The following USP39 variants were observed in gnomAD, a reference collection of about 807,000 sequenced individuals.
The protein encoded by USP39 is ubiquitin specific peptidase 39.
A neutral mutation model predicts 66.4 loss-of-function variants in USP39; 38 were observed. That is an observed-to-expected ratio of 0.57 (90% confidence interval 0.44 to 0.75). USP39 has a LOEUF of 0.75. Among genes scored for constraint, USP39 ranks in the 30% least tolerant of loss-of-function variants. The pLI is 0.00. For missense variants in USP39, 608 were observed against 714.4 expected, an observed-to-expected ratio of 0.85 and a Z score of 1.70; for synonymous variants, 303 against 274.6, an observed-to-expected ratio of 1.10 and a Z score of -1.02.
rs1264658660 is a variant in USP39 at position 85,641,056 on chromosome 2, G to A, written c.1365G>A (p.Lys455=). ...CTCCATATCTAATCTTTTGTATCAA[G>A]AGATTCACTAAGAACAACTTCTTTG... ...KLPPYLIFCI[K]RFTKNNFFVE... Residue 455 remains lysine, a synonymous_variant, in exon 10 of 13, where the codon AAG becomes AAA. Coordinates refer to ENST00000323701, the MANE Select transcript of USP39 (RefSeq NM_006590.4). The A allele has an allele frequency of 6.2e-7, 1 of 1,613,554 alleles. No individual in the cohort carries two copies. The highest frequency in any genetic ancestry group is 8.5e-7 in the Non-Finnish European group (1 of 1,179,720).
At chr2:85,611,792 G>A (rs763481293), upstream of USP39, 2 of 1,611,224 alleles carry the variant, frequency 1.2e-6, no homozygotes, top group Non-Finnish European at 1.7e-6. Flanking sequence ...CGTCCCTGCG[G>A]GGAGCCGAGC....
At chr2:85,643,128 A>G (rs1676369774) in intron 10 of USP39, among the ~76,000 whole-genome samples, 1 of 152,060 alleles carries the variant, frequency 6.6e-6, no homozygotes, top group Non-Finnish European at 1.5e-5. Context: ...CTAACACAAA[A>G]TGATTAAACG....
chr2:85,638,985 G>A (rs1676017383), intron 8 of USP39, among the ~76,000 whole-genome samples: 1 of 152,028 alleles, frequency 6.6e-6, no homozygotes, highest in South Asian at 2.1e-4. Flanking sequence ...GGGCTTTTTA[G>A]ATAGTCTGGT....
chr2:85,644,934 T>G lies in USP39; in HGVS notation c.1428-14T>G, dbSNP rs370123591. 4.3e-6 allele frequency: 7 copies of G among 1,613,878 alleles called. No homozygotes were observed. The highest frequency in any genetic ancestry group is 5.1e-6 in the Non-Finnish European group (6 of 1,179,864). On this transcript the variant is annotated splice_polypyrimidine_tract_variant and intron_variant, in intron 10 of 12. Transcript: ENST00000323701. ...TTTGTCTGATTATTCCGGCTTTATTTTAACCATTAACAGAAATGTGGATCT... is the reference window on the plus strand; with the variant it reads ...TTTGTCTGATTATTCCGGCTTTATTGTAACCATTAACAGAAATGTGGATCT...
chr2:85,620,985 G>A (rs948042927), intron 2 of USP39, among the ~76,000 whole-genome samples: 1 of 152,006 alleles, frequency 6.6e-6, no homozygotes, highest in Non-Finnish European at 1.5e-5. Flanking sequence ...TTTTTATTTT[G>A]TAATTAATTA....
intron 3 of USP39, 35 bp downstream of exon 3, chr2:85,621,614 T>G: frequency 2.0e-6 from 3 of 1,481,594 alleles, no homozygotes; most frequent in Non-Finnish European, 2.7e-6. Context: ...GCAGATCTGC[T>G]CCAGAGGGAC....
intron 11 of USP39, chr2:85,645,670 A>G (rs1676589862): frequency 6.6e-6 from 1 of 152,322 alleles, no homozygotes; most frequent in Non-Finnish European, 1.5e-5. Flanking sequence ...GGATGTTGGT[A>G]TATATTTTAC....
chr2:85,648,550 G>A (rs149664168), intron 12 of USP39, among the ~76,000 whole-genome samples: 1 of 152,198 alleles, frequency 6.6e-6, no homozygotes, highest in African/African-American at 2.4e-5. Context: ...AAAAGCCATA[G>A]CTTTGTAAGA....
At chr2:85,606,204 G>GT (rs1440068803) in intron 1 of USP39, among the ~76,000 whole-genome samples, 2 of 152,164 alleles carry the variant, frequency 1.3e-5, no homozygotes, top group Non-Finnish European at 1.5e-5. Context: ...CAATTACATC[G>GT]TATCTAGTCA....
upstream of USP39, chr2:85,611,436 C>T (rs907916855): frequency 1.3e-6 from 2 of 1,525,240 alleles, no homozygotes; most frequent in Non-Finnish European, 1.8e-6. Flanking sequence ...AGATAAACTT[C>T]TTGCTGGCTC....
intron 8 of USP39, among the ~76,000 whole-genome samples, chr2:85,638,685 C>T (rs1479574844): frequency 6.6e-6 from 1 of 151,882 alleles, no homozygotes; most frequent in Non-Finnish European, 1.5e-5. Flanking sequence ...ATTACAGGCG[C>T]CACCACCACG....
upstream of USP39, chr2:85,611,500 T>C (rs1673523679): frequency 6.4e-7 from 1 of 1,550,808 alleles, no homozygotes; most frequent in Non-Finnish European, 8.7e-7. Flanking sequence ...GTCCCAGTTC[T>C]TGGTGAGAAT....
upstream of USP39, chr2:85,616,020 G>A (rs913969454): frequency 4.8e-6 from 6 of 1,248,284 alleles, no homozygotes; most frequent in African/African-American, 6.2e-5. Context: ...GTTCTAAGGG[G>A]AGAGGAAGCC....
chr2:85,612,973 T>C (rs1436050183), upstream of USP39, among the ~76,000 whole-genome samples: 2 of 151,944 alleles, frequency 1.3e-5, no homozygotes, highest in East Asian at 3.9e-4. Flanking sequence ...TTTTTTTTTT[T>C]TTTCTATTTT....
Position 85,641,119 on chromosome 2 carries a change from G to A in USP39, c.1427+1G>A, listed in dbSNP as rs768524381. 4.3e-6 allele frequency: 7 copies of A among 1,612,098 alleles called. No homozygotes were observed. Among genetic ancestry groups the A allele is most frequent in the East Asian group, 4.5e-5 (2 of 44,844 alleles). ...CAACTATTGTCAATTTCCCTATTAC[G>A]TAAGTAACATCCTGCCTCACTTCTC... is the stretch of plus-strand genomic sequence containing the variant. On this transcript the variant is annotated splice_donor_variant, in intron 10 of 12. Coordinates refer to ENST00000323701, the MANE Select transcript of USP39 (RefSeq NM_006590.4). LOFTEE classifies it high-confidence loss of function.
At chr2:85,612,017 C>T (rs762845589), upstream of USP39, 2 of 1,438,400 alleles carry the variant, frequency 1.4e-6, no homozygotes, top group East Asian at 5.0e-5. Flanking sequence ...GCCGCCGCCT[C>T]GACGGCCCCA....
rs1673947958 is a variant in USP39, at chr2:85,616,381, C to T, written c.186C>T (p.Ala62=). Residue 62 remains alanine, a synonymous_variant, in exon 1 of 13, where the codon GCC becomes GCT. Transcript: ENST00000323701. Reference sequence around the variant, plus strand: ...TCGAGCCGGCGAGCGCGCGCGAGGCCCCGGCTTCTGTTGTCCCGTTTGTGC... The same window carrying T: ...TCGAGCCGGCGAGCGCGCGCGAGGCTCCGGCTTCTGTTGTCCCGTTTGTGC... ...REFEPASARE[A]PASVVPFVRV... 1 of 1,602,566 alleles carries T rather than the reference C, an allele frequency of 6.2e-7. No individual in the cohort carries two copies. The highest frequency in any genetic ancestry group is 8.5e-7 in the Non-Finnish European group (1 of 1,174,774).
intron 5 of USP39, among the ~76,000 whole-genome samples, chr2:85,626,151 G>A (rs1427789304): frequency 6.6e-6 from 1 of 151,842 alleles, no homozygotes; most frequent in Non-Finnish European, 1.5e-5. Flanking sequence ...CCTGAGGTCA[G>A]GAGTTCGAGA....
chr2:85,640,604 CAT>C (rs148399817), intron 9 of USP39, among the ~76,000 whole-genome samples: 39,594 of 140,732 alleles, frequency 0.28, 5,670 homozygotes, highest in African/African-American at 0.37. Context: ...TCTTTCTTTA[CAT>C]ATATATATAT....
Sources: allele counts gnomAD v4.1 joint callset (sites outside exome capture counted in the v4.1 genomes callset), GRCh38; gene constraint gnomAD v4.1.1; transcripts MANE v1.5; gene names NCBI Gene and HGNC (gene_info 2026-07-23, HGNC 2026-07-21).